Variants in LATS2 observed in about 807,000 individuals in gnomAD.
LATS2 encodes serine/threonine-protein kinase LATS2.
A neutral mutation model predicts 76.0 loss-of-function variants in LATS2; 24 were observed. That is an observed-to-expected ratio of 0.32 (90% CI 0.23 to 0.44). The LOEUF (loss-of-function observed/expected upper bound fraction) is 0.44, where lower values mean the gene tolerates loss of function less well. Among genes scored for constraint, LATS2 ranks in the 20% least tolerant of loss-of-function variants. The pLI is 1.00. For synonymous variants in LATS2, 692 were observed against 635.4 expected, an observed-to-expected ratio of 1.09 and a Z score of -1.34; for missense variants, 1,286 against 1,481.2, an observed-to-expected ratio of 0.87 and a Z score of 2.16.
chr13:21,002,327 G>A (rs1019587549), intron 2 of LATS2, among the ~76,000 whole-genome samples: 16 of 151,746 alleles, frequency 1.1e-4, no homozygotes, highest in African/African-American at 3.6e-4. Flanking sequence ...TGTATAATCT[G>A]GACAAATATG....
chr13:21,000,712 A>G (rs1871004903), intron 2 of LATS2, among the ~76,000 whole-genome samples: 2 of 152,218 alleles, frequency 1.3e-5, no homozygotes, highest in African/African-American at 4.8e-5. Context: ...TACCACAGCC[A>G]GAAATAATAC....
intron 1 of LATS2, among the ~76,000 whole-genome samples, chr13:21,055,852 G>A (rs1873431845): frequency 1.3e-5 from 2 of 152,182 alleles, no homozygotes; most frequent in Admixed American, 1.3e-4. Context: ...GACGGGCCAG[G>A]CCTCCAGCCA....
intron 2 of LATS2, among the ~76,000 whole-genome samples, chr13:21,033,590 A>C (rs1872602557): frequency 6.6e-6 from 1 of 151,268 alleles, no homozygotes; most frequent in South Asian, 2.1e-4. Context: ...GGTGACAGAC[A>C]CACACGGTAT....
intron 2 of LATS2, among the ~76,000 whole-genome samples, chr13:21,010,142 G>A (rs1871527448): frequency 6.6e-6 from 1 of 152,142 alleles, no homozygotes; most frequent in South Asian, 2.1e-4. Flanking sequence ...AGAGGTCGCA[G>A]TGAGCCAAGA....
intron 2 of LATS2, among the ~76,000 whole-genome samples, chr13:21,042,637 T>C (rs895784096): frequency 6.6e-6 from 1 of 151,518 alleles, no homozygotes; most frequent in African/African-American, 2.4e-5. Context: ...CAGTGAGCAT[T>C]GACCTCACCA....
intron 1 of LATS2, among the ~76,000 whole-genome samples, chr13:21,053,233 C>CA (rs1194900665): frequency 0.22 from 8,335 of 37,766 alleles, 974 homozygotes; most frequent in Non-Finnish European, 0.26. Context: ...GACTCTGTCT[C>CA]AAAAAAAAAA....
intron 4 of LATS2, among the ~76,000 whole-genome samples, chr13:20,985,368 T>C (rs1870094966): frequency 6.6e-6 from 1 of 152,226 alleles, no homozygotes; most frequent in South Asian, 2.1e-4. Flanking sequence ...ACTATTCATC[T>C]GACAAAAGAC....
chr13:21,054,825 G>A (rs1347365907), intron 1 of LATS2, among the ~76,000 whole-genome samples: 4 of 152,172 alleles, frequency 2.6e-5, no homozygotes, highest in Non-Finnish European at 5.9e-5. Flanking sequence ...AAAAGGTTGA[G>A]AGGATTATTC....
intron 2 of LATS2, among the ~76,000 whole-genome samples, chr13:21,026,731 G>A (rs200214946): frequency 2.2e-4 from 33 of 152,280 alleles, no homozygotes; most frequent in Middle Eastern, 3.4e-3. Context: ...AGAGGCAAGA[G>A]GATTGTTTGA....
intron 4 of LATS2, among the ~76,000 whole-genome samples, chr13:20,985,913 G>A (rs925921059): frequency 1.3e-5 from 2 of 151,806 alleles, no homozygotes. Context: ...GCGTGGTGGT[G>A]CATGCCTGTA....
At chr13:20,993,793 G>A (rs1284593687) in intron 2 of LATS2, among the ~76,000 whole-genome samples, 2 of 152,100 alleles carry the variant, frequency 1.3e-5, no homozygotes, top group Non-Finnish European at 2.9e-5. Flanking sequence ...ATGAGATCAC[G>A]TCTACGAAGA....
At chr13:21,012,592 A>G (rs1423872307) in intron 2 of LATS2, among the ~76,000 whole-genome samples, 1 of 152,182 alleles carries the variant, frequency 6.6e-6, no homozygotes, top group Non-Finnish European at 1.5e-5. Context: ...TTTTCTACCT[A>G]GTAGTGTTCC....
chr13:20,998,741 C>CGGGGCGAGGCGGGGCG (rs1252887869), intron 2 of LATS2, among the ~76,000 whole-genome samples: 2 of 138,414 alleles, frequency 1.4e-5, no homozygotes, highest in African/African-American at 2.7e-5. Context: ...CTTGTCAATG[C>CGGGGCGAGGCGGGGCG]GGGGCGAGGC....
At chr13:21,011,659 A>T (rs1194095880) in intron 2 of LATS2, among the ~76,000 whole-genome samples, 3 of 151,960 alleles carry the variant, frequency 2.0e-5, no homozygotes, top group Non-Finnish European at 4.4e-5. Context: ...GACTCTGGAA[A>T]ATATAGGGGC....
At chr13:21,037,898 A>G (rs1224563536) in intron 2 of LATS2, among the ~76,000 whole-genome samples, 1 of 152,154 alleles carries the variant, frequency 6.6e-6, no homozygotes, top group East Asian at 1.9e-4. Flanking sequence ...GCCAACTCCC[A>G]GGCACCATCC....
At chr13:20,999,987 G>A (rs577302405) in intron 2 of LATS2, among the ~76,000 whole-genome samples, 1 of 151,560 alleles carries the variant, frequency 6.6e-6, no homozygotes, top group Non-Finnish European at 1.5e-5. Flanking sequence ...TCAAGATCAC[G>A]CAGCAGAGCA....
chr13:21,054,229 C>A (rs1873374155), intron 1 of LATS2, among the ~76,000 whole-genome samples: 1 of 151,950 alleles, frequency 6.6e-6, no homozygotes, highest in African/African-American at 2.4e-5. Flanking sequence ...GGCAGGAAGG[C>A]AGGAAGATCA....
rs762957882 is a variant in LATS2, at chr13:20,988,839, G to T, written c.941C>A (p.Pro314Gln). 2.5e-6 allele frequency: 4 copies of T among 1,595,076 alleles called. No individual in the cohort carries two copies. The South Asian group carries it at 4.4e-5, about 18-fold the overall frequency. The change falls in exon 4 of 8, where the codon CCG (proline) becomes CAG (glutamine). Residue 314 changes from proline (P) to glutamine (Q), a missense_variant. Pro to Gln is a moderately conservative substitution (Grantham distance 76, BLOSUM62 -1). Coordinates refer to ENST00000382592, the MANE Select transcript of LATS2 (RefSeq NM_014572.3). ...FPPPAAGLYV[P>Q]HPHHKQAGPA... ...ACCGGCCTGCTTGTGGTGTGGGTGC[G>T]GCACGTAGAGCCCGGCGGCAGGGGG...
intron 2 of LATS2, among the ~76,000 whole-genome samples, chr13:21,037,231 C>A (rs1872712100): frequency 6.6e-6 from 1 of 152,054 alleles, no homozygotes; most frequent in South Asian, 2.1e-4. Flanking sequence ...ATGGTGAAAC[C>A]CCATCTCTAC....
Sources: gnomAD v4.1 joint callset for allele counts (sites outside exome capture counted in the v4.1 genomes callset) on GRCh38, gnomAD v4.1.1 for gene constraint, MANE v1.5 for transcripts, NCBI Gene and HGNC (gene_info 2026-07-23, HGNC 2026-07-21) for gene names.